The following PKIA variants were observed in gnomAD, a reference collection of about 807,000 sequenced individuals.
PKIA encodes the protein PKI-alpha.
In PKIA, 4 loss-of-function variants were observed where a neutral mutation model predicts 7.6. The observed-to-expected ratio is 0.52, with a 90% CI of 0.26 to 1.20. The LOEUF (loss-of-function observed/expected upper bound fraction) is 1.20, where lower values mean the gene tolerates loss of function less well. Ranked by LOEUF, PKIA falls within the 50% of genes most tolerant of loss-of-function variation. The pLI, the probability that PKIA is intolerant of heterozygous loss-of-function variation, is 0.13. For missense variants in PKIA, 73 were observed against 86.2 expected (o/e 0.85, Z 0.61); for synonymous variants, 21 against 30.7 (o/e 0.68, Z 1.04).
intron 2 of PKIA, among the ~76,000 whole-genome samples, chr8:78,589,757 A>G (rs1003176519): frequency 6.6e-6 from 1 of 152,184 alleles, no homozygotes; most frequent in Non-Finnish European, 1.5e-5. Context: ...GTAAAAAAAA[A>G]AATTCATTTT....
intron 1 of PKIA, among the ~76,000 whole-genome samples, chr8:78,569,948 C>A (rs1807507046): frequency 6.6e-6 from 1 of 151,876 alleles, no homozygotes; most frequent in African/African-American, 2.4e-5. Context: ...TAGAATTTAC[C>A]AAATAGATAA....
intron 1 of PKIA, among the ~76,000 whole-genome samples, chr8:78,546,162 T>C (rs541593444): frequency 5.3e-5 from 8 of 152,336 alleles, no homozygotes; most frequent in South Asian, 2.1e-4. Context: ...AATTGTGTGA[T>C]TGTCCTGGGG....
chr8:78,588,794 C>T (rs1316935407), intron 2 of PKIA, among the ~76,000 whole-genome samples: 2 of 151,566 alleles, frequency 1.3e-5, no homozygotes, highest in Non-Finnish European at 1.5e-5. Flanking sequence ...TACCTCTTTT[C>T]CTATATGGGA....
At chr8:78,568,599 A>T (rs554560978) in intron 1 of PKIA, among the ~76,000 whole-genome samples, 1 of 152,242 alleles carries the variant, frequency 6.6e-6, no homozygotes, top group East Asian at 1.9e-4. Context: ...TTCGGGACTT[A>T]AGAAATGACC....
chr8:78,520,806 T>A lies in PKIA; in HGVS notation c.-157+4338T>A, dbSNP rs943194246. On this transcript the variant is annotated intron_variant, in intron 1 of 3. Transcript: ENST00000396418. ...CAAATGCAGGTGTTTGTGGATTCACTAAAGCTCTCTTTACAGAATAGTTAA... is the reference window on the plus strand; with the variant it reads ...CAAATGCAGGTGTTTGTGGATTCACAAAAGCTCTCTTTACAGAATAGTTAA... 2.6e-5 allele frequency among the ~76,000 whole-genome samples: 4 copies of A among 152,320 alleles called. No homozygotes were observed. The South Asian group carries it at 6.2e-4, about 24-fold the overall frequency.
At chr8:78,538,115 C>A (rs1806582911) in intron 1 of PKIA, among the ~76,000 whole-genome samples, 1 of 151,990 alleles carries the variant, frequency 6.6e-6, no homozygotes, top group South Asian at 2.1e-4. Flanking sequence ...TGACATATAA[C>A]CCCCATACCC....
At chr8:78,579,252 A>G (rs1170189040) in intron 2 of PKIA, among the ~76,000 whole-genome samples, 2 of 151,976 alleles carry the variant, frequency 1.3e-5, no homozygotes, top group Admixed American at 6.6e-5. Flanking sequence ...CGGTCCTTCT[A>G]GTTTATAACA....
At chr8:78,561,660 G>T (rs1331116417) in intron 1 of PKIA, among the ~76,000 whole-genome samples, 1 of 152,040 alleles carries the variant, frequency 6.6e-6, no homozygotes, top group African/African-American at 2.4e-5. Flanking sequence ...CACAGTGGTT[G>T]GTACTGATGT....
chr8:78,564,566 A>G (rs1037910834), intron 1 of PKIA, among the ~76,000 whole-genome samples: 10 of 151,998 alleles, frequency 6.6e-5, no homozygotes, highest in African/African-American at 2.4e-4. Context: ...CAACTTGAAA[A>G]GTAATTTGGC....
chr8:78,525,949 T>C (rs1163099451), intron 1 of PKIA, among the ~76,000 whole-genome samples: 1 of 152,064 alleles, frequency 6.6e-6, no homozygotes, highest in Non-Finnish European at 1.5e-5. Context: ...TTTCCTGATA[T>C]TTAAAACAGG....
intron 1 of PKIA, among the ~76,000 whole-genome samples, chr8:78,561,461 GTT>G (rs896779030): frequency 2.1e-5 from 3 of 144,924 alleles, no homozygotes; most frequent in African/African-American, 7.5e-5. Context: ...AAGTTTTTTT[GTT>G]TTTTTTTTTC....
intron 2 of PKIA, among the ~76,000 whole-genome samples, chr8:78,583,549 G>GT (rs1563589094): frequency 3.3e-5 from 5 of 152,092 alleles, no homozygotes. Context: ...TCGAAATGCT[G>GT]TTTCTGTGTT....
intron 1 of PKIA, among the ~76,000 whole-genome samples, chr8:78,563,689 G>C (rs540951586): frequency 6.6e-6 from 1 of 152,130 alleles, no homozygotes; most frequent in South Asian, 2.1e-4. Flanking sequence ...AGGGAAGCCA[G>C]AAGAAAGTAA....
chr8:78,590,515 A>G (rs995794714), intron 2 of PKIA, among the ~76,000 whole-genome samples: 1 of 152,104 alleles, frequency 6.6e-6, no homozygotes, highest in African/African-American at 2.4e-5. Context: ...ATGTACTTCA[A>G]CTAAAACAAC....
At chr8:78,548,686 G>C (rs1018185306) in intron 1 of PKIA, among the ~76,000 whole-genome samples, 1 of 152,024 alleles carries the variant, frequency 6.6e-6, no homozygotes, top group Admixed American at 6.6e-5. Flanking sequence ...AAATAGGCCT[G>C]TCAATAAAGG....
intron 1 of PKIA, among the ~76,000 whole-genome samples, chr8:78,539,702 C>A (rs954142533): frequency 6.6e-6 from 1 of 151,578 alleles, no homozygotes; most frequent in Middle Eastern, 3.2e-3. Context: ...TCCACAAGGA[C>A]AAAAATATTT....
intron 2 of PKIA, among the ~76,000 whole-genome samples, chr8:78,579,541 A>C (rs1270863544): frequency 1.3e-5 from 2 of 152,050 alleles, no homozygotes; most frequent in Admixed American, 1.3e-4. Flanking sequence ...ATTCCTCAAA[A>C]TAAGATCTCA....
chr8:78,604,018 G>C lies in PKIA; in HGVS notation c.*2197G>C, dbSNP rs1808417053. On this transcript the variant is annotated 3_prime_UTR_variant, in exon 4 of 4. Coordinates refer to ENST00000396418, the MANE Select transcript of PKIA (RefSeq NM_006823.4). ...CAAACCCAAAGGCATTCCCAAGCTA[G>C]GGAGATAAAAATTAATTTTCTAAAA... 6.6e-6 allele frequency: 1 copy of C among 151,942 alleles called. No individual in the cohort carries two copies. The allele number at this position is 151,942 out of a possible 1,614,324, so 9.4% of individuals were successfully genotyped here. A position where few individuals can be genotyped will look rare whatever the true frequency, so the allele number is the denominator to read the frequency against.
chr8:78,583,639 A>G (rs1807874247), intron 2 of PKIA, among the ~76,000 whole-genome samples: 1 of 152,108 alleles, frequency 6.6e-6, no homozygotes, highest in South Asian at 2.1e-4. Flanking sequence ...GAATTACTGT[A>G]TAACAGTAAG....
Sources: allele counts gnomAD v4.1 joint callset (sites outside exome capture counted in the v4.1 genomes callset), GRCh38; gene constraint gnomAD v4.1.1; transcripts MANE v1.5; gene names NCBI Gene and HGNC (gene_info 2026-07-23, HGNC 2026-07-21).